HSD11B1: variants seen among roughly 807,000 people sequenced by gnomAD.
HSD11B1 encodes 11-beta-hydroxysteroid dehydrogenase 1.
In HSD11B1, 15 loss-of-function variants were observed where a neutral mutation model predicts 22.1. The ratio of observed to expected loss-of-function variants is 0.68; its 90% CI spans 0.45 to 1.04. HSD11B1 has a LOEUF of 1.04. Among genes scored for constraint, HSD11B1 ranks in the 50% least tolerant of loss-of-function variants. HSD11B1 has a pLI of 0.00. For synonymous variants in HSD11B1, 122 were observed against 125.2 expected (o/e 0.97, Z 0.17); for missense variants, 281 against 357.6 (o/e 0.79, Z 1.73).
chr1:209,718,355 A>G (rs1440446367), intron 4 of HSD11B1, among the ~76,000 whole-genome samples: 1 of 152,234 alleles, frequency 6.6e-6, no homozygotes, highest in Non-Finnish European at 1.5e-5. Flanking sequence ...CCATAACTAT[A>G]TACAAATATT....
At chr1:209,721,332 A>G (rs928122173) in intron 4 of HSD11B1, among the ~76,000 whole-genome samples, 1 of 152,098 alleles carries the variant, frequency 6.6e-6, no homozygotes, top group African/African-American at 2.4e-5. Context: ...AACACTAAGT[A>G]TTTGGGGGAG....
intron 4 of HSD11B1, among the ~76,000 whole-genome samples, chr1:209,729,789 G>C (rs1374335647): frequency 6.6e-6 from 1 of 152,214 alleles, no homozygotes; most frequent in Non-Finnish European, 1.5e-5. Context: ...TTATGATCAA[G>C]TAGGATTCAT....
intron 1 of HSD11B1, among the ~76,000 whole-genome samples, chr1:209,699,273 A>C (rs1284508394): frequency 6.6e-6 from 1 of 152,136 alleles, no homozygotes; most frequent in Non-Finnish European, 1.5e-5. Flanking sequence ...TTATTGTATT[A>C]GTTCATTTTC....
chr1:209,700,182 C>A (rs573632799), upstream of HSD11B1, among the ~76,000 whole-genome samples: 1 of 152,220 alleles, frequency 6.6e-6, no homozygotes, highest in Non-Finnish European at 1.5e-5. Context: ...GTCTCCAACC[C>A]GACATTTCCC....
At position 209,706,939 on chromosome 1, in the gene HSD11B1, G is replaced by A; in HGVS notation, c.332-4G>A. On this transcript the variant is annotated splice_polypyrimidine_tract_variant and splice_region_variant and intron_variant, in intron 3 of 5. Coordinates refer to ENST00000367027, the MANE Select transcript of HSD11B1 (RefSeq NM_005525.4). This position sits in a 1 kb window ranked among gnomAD's most constrained non-coding sequence, Gnocchi z 4.0. ...TGATTTCTTAATATAGCCATCTCTT[G>A]CAGGAGGACTAGACATGCTCATTCT... is the stretch of plus-strand genomic sequence containing the variant. The A allele has an allele frequency of 2.5e-6, 4 of 1,613,788 alleles. No homozygotes were observed. The highest frequency in any genetic ancestry group is 4.5e-5 in the East Asian group (2 of 44,884).
chr1:209,729,363 A>AACACACAC (rs34574844), intron 4 of HSD11B1, among the ~76,000 whole-genome samples: 11,998 of 146,270 alleles, frequency 0.082, 672 homozygotes, highest in African/African-American at 0.16. Context: ...TGCCTCGGAA[A>AACACACAC]ACACACACAC....
intron 1 of HSD11B1, among the ~76,000 whole-genome samples, chr1:209,686,930 G>T (rs846914): frequency 0.059 from 8,996 of 152,190 alleles, 496 homozygotes; most frequent in African/African-American, 0.15. Flanking sequence ...AGTCCAGCTG[G>T]GCTGCTCAGA....
upstream of HSD11B1, among the ~76,000 whole-genome samples, chr1:209,700,432 T>TCA (rs2076819806): frequency 6.6e-6 from 1 of 152,126 alleles, no homozygotes; most frequent in Admixed American, 6.6e-5. Flanking sequence ...CAGGCTCCTT[T>TCA]CAGCTGGGAC....
chr1:209,732,924 C>G (rs769697838), intron 5 of HSD11B1, among the ~76,000 whole-genome samples: 4 of 152,154 alleles, frequency 2.6e-5, no homozygotes, highest in Non-Finnish European at 2.9e-5. Flanking sequence ...GGGTGCTGAA[C>G]TCCCTGACCT....
upstream of HSD11B1, among the ~76,000 whole-genome samples, chr1:209,704,300 C>T (rs944921178): frequency 2.0e-5 from 3 of 152,184 alleles, no homozygotes; most frequent in Non-Finnish European, 4.4e-5. Flanking sequence ...CTTGCAATTT[C>T]TCCTTTGATG....
chr1:209,695,430 T>C (rs1216570410), intron 1 of HSD11B1, among the ~76,000 whole-genome samples: 1 of 152,110 alleles, frequency 6.6e-6, no homozygotes, highest in Non-Finnish European at 1.5e-5. Context: ...ATTAGACGGA[T>C]GGTGAAGCCA....
chr1:209,712,964 G>A lies in HSD11B1; in HGVS notation c.517+5836G>A, dbSNP rs191226517. On this transcript the variant is annotated intron_variant, in intron 4 of 5. Coordinates refer to ENST00000367027, the MANE Select transcript of HSD11B1 (RefSeq NM_005525.4). ...CTTGGGAGGCTGAGGCAGGAGAATC[G>A]CTTGAACCTGGGAGGTGGAGGTTGC... is the stretch of plus-strand genomic sequence containing the variant. Among the ~76,000 whole-genome samples the A allele has an allele frequency of 6.1e-3, 932 of 152,208 alleles. 12 individuals are homozygous for A. The highest frequency in any genetic ancestry group is 0.021 in the African/African-American group (890 of 41,548).
chr1:209,693,007 T>C (rs182742804), intron 1 of HSD11B1, among the ~76,000 whole-genome samples: 3 of 152,298 alleles, frequency 2.0e-5, no homozygotes, highest in Admixed American at 2.0e-4. Flanking sequence ...TTATTTTCAG[T>C]TAACCCATAA....
Position 209,698,215 on chromosome 1 carries a change from ATAG to A in HSD11B1, c.-48-6679_-48-6677del, listed in dbSNP as rs1558187466. 2.1e-5 allele frequency among the ~76,000 whole-genome samples: 3 copies of A among 140,728 alleles called. No individual in the cohort carries two copies. In the East Asian group the frequency reaches 6.2e-4, roughly 29 times the overall value. 92.3% of individuals were successfully genotyped at this position (140,728 alleles called of 152,430 possible). A position where few individuals can be genotyped will look rare whatever the true frequency, so the allele number is the denominator to read the frequency against. ...GATAGATAGATAGATAGATAGATAGATAGGAAGGACAGACAGACAGGCATCCTT... is the reference window on the plus strand; with the variant it reads ...GATAGATAGATAGATAGATAGATAGAGAAGGACAGACAGACAGGCATCCTT... On this transcript the variant is annotated intron_variant, in intron 1 of 6. Transcript: ENST00000261465.
Position 209,705,960 on chromosome 1 carries a change from C to T in HSD11B1, c.219+19C>T. 3 of 1,613,518 alleles carry T rather than the reference C, an allele frequency of 1.9e-6. No individual in the cohort carries two copies. Among genetic ancestry groups the T allele is most frequent in the Non-Finnish European group, 2.5e-6 (3 of 1,179,592 alleles). ...ACAGAAGGTGAGGGTTCTATGCTCGCAGATATGTGTACCGTCACATGCTCA... is the reference window on the plus strand; with the variant it reads ...ACAGAAGGTGAGGGTTCTATGCTCGTAGATATGTGTACCGTCACATGCTCA... On this transcript the variant is annotated intron_variant, in intron 2 of 5. Coordinates refer to ENST00000367027, the MANE Select transcript of HSD11B1 (RefSeq NM_005525.4).
rs115985765 is a variant in HSD11B1, at chr1:209,726,424, A to G, written c.518-6012A>G. Among the ~76,000 whole-genome samples the G allele has an allele frequency of 8.4e-3, 1,277 of 152,096 alleles. 12 individuals are homozygous for G. Among genetic ancestry groups the G allele is most frequent in the African/African-American group, 0.028 (1,162 of 41,482 alleles). On this transcript the variant is annotated intron_variant, in intron 4 of 5. Transcript: ENST00000367027. ...TTTAGGCCAGCCTGTGCAACATAGTAAGACGTTGTCTCTACAAAAAATTAA... is the reference window on the plus strand; with the variant it reads ...TTTAGGCCAGCCTGTGCAACATAGTGAGACGTTGTCTCTACAAAAAATTAA...
In HSD11B1 at chr1:209,729,878, T is replaced by C. The variant is rs188428972; in HGVS notation, c.518-2558T>C. On this transcript the variant is annotated intron_variant, in intron 4 of 5. Transcript: ENST00000367027. The stretch of plus-strand genomic sequence containing the variant: ...ACATCAACAGAATCAAAGGCAAAAA[T>C]ATATAATCATTTCAGTAGATGATGA... Among the ~76,000 whole-genome samples, 6 of 152,148 alleles carry C rather than the reference T, an allele frequency of 3.9e-5. No individual in the cohort carries two copies. The East Asian group carries it at 9.7e-4, about 25-fold the overall frequency.
At chr1:209,704,835 T>G, upstream of HSD11B1, 5 of 826,148 alleles carry the variant, frequency 6.1e-6, no homozygotes. Flanking sequence ...GCCTCCCCCG[T>G]CCCTGATGTC....
At chr1:209,729,084 C>T (rs2077020182) in intron 4 of HSD11B1, among the ~76,000 whole-genome samples, 1 of 152,122 alleles carries the variant, frequency 6.6e-6, no homozygotes, top group South Asian at 2.1e-4. Context: ...TTAGGCCAGG[C>T]ATAGTGGCTC....
Sources: allele counts gnomAD v4.1 joint callset (sites outside exome capture counted in the v4.1 genomes callset), GRCh38; gene constraint gnomAD v4.1.1; non-coding constraint Gnocchi (gnomAD v3.1); transcripts MANE v1.5; gene names NCBI Gene and HGNC (gene_info 2026-07-23, HGNC 2026-07-21).